CPT1A: variants seen among roughly 807,000 people sequenced by gnomAD.
CPT1A encodes carnitine O-palmitoyltransferase 1, liver isoform.
CPT1A carries 64 observed loss-of-function variants against 100.8 expected under a neutral mutation model. The ratio of observed to expected loss-of-function variants is 0.63; its 90% confidence interval spans 0.52 to 0.78. The LOEUF (loss-of-function observed/expected upper bound fraction) is 0.78, where lower values mean the gene tolerates loss of function less well. Among genes scored for constraint, CPT1A ranks in the 30% least tolerant of loss-of-function variants. The probability of loss-of-function intolerance (pLI) is 0.00; values close to 1 mark genes in which losing one functional copy is unlikely to be tolerated. For synonymous variants in CPT1A, 363 were observed against 396.0 expected (o/e 0.92, Z 0.99); for missense variants, 802 against 1,034.1 (o/e 0.78, Z 3.08).
Position 68,841,120 on chromosome 11 carries a change from C to T in CPT1A, c.-14+655G>A, listed in dbSNP as rs964812574. Among the ~76,000 whole-genome samples the T allele has an allele frequency of 6.6e-5, 10 of 152,242 alleles. No homozygotes were observed. Among genetic ancestry groups the T allele is most frequent in the African/African-American group, 2.4e-4 (10 of 41,452 alleles). ...GGCATGGGGAGGGGGACCGGGGAGA[C>T]GGACGCTGGGATGGGGTCAGCGGCG... On this transcript the variant is annotated intron_variant, in intron 1 of 18. Transcript: ENST00000265641. The surrounding 1 kb of genome is among the most constrained non-coding windows in gnomAD (Gnocchi z 6.3).
chr11:68,838,573 A>AAAAACAAAAC (rs1491274753), intron 1 of CPT1A, among the ~76,000 whole-genome samples: 4 of 112,846 alleles, frequency 3.5e-5, no homozygotes, highest in Non-Finnish European at 6.7e-5. Context: ...GCACCTTTTT[A>AAAAACAAAAC]AAAAAAAAAA....
intron 3 of CPT1A, among the ~76,000 whole-genome samples, chr11:68,808,704 G>C (rs986875954): frequency 3.3e-5 from 5 of 151,604 alleles, no homozygotes; most frequent in Non-Finnish European, 5.9e-5. Context: ...TTTTAGTTTT[G>C]GTTGTTTTGG....
chr11:68,757,339 CCTA>C lies in CPT1A; in HGVS notation c.*302_*304del, dbSNP rs1946711194. ...ATTCCACTGTGTGTGAAGCCACAACCCTACTAATTCCTTCATTAACTCAACAAG... is the reference window on the plus strand; with the variant it reads ...ATTCCACTGTGTGTGAAGCCACAACCCTAATTCCTTCATTAACTCAACAAG... On this transcript the variant is annotated 3_prime_UTR_variant, in exon 19 of 19. Coordinates refer to ENST00000265641, the MANE Select transcript of CPT1A (RefSeq NM_001876.4). 1.6e-6 allele frequency: 2 copies of C among 1,260,122 alleles called. No homozygotes were observed. Among genetic ancestry groups the C allele is most frequent in the Non-Finnish European group, 2.0e-6 (2 of 992,998 alleles). 78.1% of individuals were successfully genotyped at this position (1,260,122 alleles called of 1,614,324 possible). A position where few individuals can be genotyped will look rare whatever the true frequency, so the allele number is the denominator to read the frequency against.
In CPT1A at chr11:68,799,207, T is replaced by C. The variant is rs1247262729; in HGVS notation, c.693+11A>G. 9.3e-6 allele frequency: 15 copies of C among 1,612,502 alleles called. No homozygotes were observed. Among genetic ancestry groups the C allele is most frequent in the African/African-American group, 2.7e-5 (2 of 74,824 alleles). On this transcript the variant is annotated intron_variant, in intron 6 of 18. Coordinates refer to ENST00000265641, the MANE Select transcript of CPT1A (RefSeq NM_001876.4). ...AAATTTCATCAAGAAAAACTGTGTA[T>C]ACAGACTTACGTAATTTGTAGCCCA...
At chr11:68,770,175 G>A (rs1305409287) in intron 14 of CPT1A, among the ~76,000 whole-genome samples, 1 of 152,080 alleles carries the variant, frequency 6.6e-6, no homozygotes, top group Non-Finnish European at 1.5e-5. Flanking sequence ...TGGGGGGCGA[G>A]TGCTCCTCGG....
chr11:68,807,733 G>T, intron 3 of CPT1A, 95 bp from the exon 4 acceptor site: 1 of 1,248,692 alleles, frequency 8.0e-7, no homozygotes, highest in Non-Finnish European at 1.1e-6. Context: ...GTGCTGCAGG[G>T]TCCAGCAGCC....
intron 6 of CPT1A, 50 bp from the exon 7 acceptor site, chr11:68,796,983 C>A (rs760361778): frequency 3.6e-5 from 58 of 1,590,640 alleles, no homozygotes; most frequent in Non-Finnish European, 4.7e-5. Context: ...AGGGGCCAGG[C>A]AGGCTCCCTG....
intron 1 of CPT1A, among the ~76,000 whole-genome samples, chr11:68,838,575 A>AAAAAAAAAAC (rs1243474589): frequency 2.1e-5 from 3 of 140,844 alleles, no homozygotes; most frequent in Non-Finnish European, 4.6e-5. Flanking sequence ...ACCTTTTTAA[A>AAAAAAAAAAC]AAAAAAAAAA....
At chr11:68,791,522 C>T (rs1339013755) in intron 9 of CPT1A, among the ~76,000 whole-genome samples, 6 of 152,214 alleles carry the variant, frequency 3.9e-5, no homozygotes, top group Non-Finnish European at 4.4e-5. Flanking sequence ...AATCCGTGAA[C>T]ACACATGGAG....
chr11:68,826,326 T>A (rs1856726944), intron 1 of CPT1A, among the ~76,000 whole-genome samples: 1 of 151,952 alleles, frequency 6.6e-6, no homozygotes, highest in African/African-American at 2.4e-5. Flanking sequence ...CACGCCTGTA[T>A]TCCCAGCTAA....
intron 1 of CPT1A, among the ~76,000 whole-genome samples, chr11:68,828,706 G>C (rs1418799018): frequency 3.3e-5 from 5 of 151,046 alleles, no homozygotes; most frequent in Admixed American, 2.7e-4. Context: ...TAGTGAGGAG[G>C]GTGGCAGGGG....
chr11:68,786,477 A>G (rs908667012), intron 9 of CPT1A, among the ~76,000 whole-genome samples: 6 of 152,252 alleles, frequency 3.9e-5, no homozygotes, highest in Non-Finnish European at 8.8e-5. Context: ...TAAGGAAGTG[A>G]TGTTTAAGAA....
intron 12 of CPT1A, among the ~76,000 whole-genome samples, chr11:68,777,528 C>G (rs1855172463): frequency 6.6e-6 from 1 of 152,208 alleles, no homozygotes; most frequent in East Asian, 1.9e-4. Flanking sequence ...CCATGTGAGA[C>G]TAGGTCAGTC....
intron 1 of CPT1A, among the ~76,000 whole-genome samples, chr11:68,828,639 C>G (rs960254519): frequency 6.6e-6 from 1 of 152,234 alleles, no homozygotes; most frequent in Non-Finnish European, 1.5e-5. Context: ...GCGTCTGGAT[C>G]CAGGCCACCA....
intron 3 of CPT1A, among the ~76,000 whole-genome samples, chr11:68,811,725 GC>G (rs1285010667): frequency 6.6e-6 from 1 of 152,164 alleles, no homozygotes; most frequent in Non-Finnish European, 1.5e-5. Flanking sequence ...TGCAGTGCAG[GC>G]TCTGACCTTC....
At chr11:68,816,434 G>A (rs1856390287) in intron 1 of CPT1A, among the ~76,000 whole-genome samples, 1 of 152,218 alleles carries the variant, frequency 6.6e-6, no homozygotes, top group Admixed American at 6.5e-5. Context: ...GGATCCCGGG[G>A]CGCTGCAGTC....
intron 18 of CPT1A, among the ~76,000 whole-genome samples, chr11:68,758,251 G>A (rs1484768157): frequency 7.6e-6 from 1 of 131,346 alleles, no homozygotes; most frequent in East Asian, 2.6e-4. Flanking sequence ...CTGGGTGGCA[G>A]AGTGAGACCC....
Position 68,841,443 on chromosome 11 carries a change from C to T in CPT1A, c.-14+332G>A, listed in dbSNP as rs1857156896. On this transcript the variant is annotated intron_variant, in intron 1 of 18. Transcript: ENST00000265641. The surrounding 1 kb of genome is among the most constrained non-coding windows in gnomAD (Gnocchi z 6.3). ...GGAGACAAGGGAGCCGGTGGCCCCG[C>T]TGGCCCCGGGCCGGAGGCGTCCAGC... Among the ~76,000 whole-genome samples the T allele has an allele frequency of 6.6e-6, 1 of 151,830 alleles. No individual in the cohort carries two copies. Among genetic ancestry groups the T allele is most frequent in the Non-Finnish European group, 1.5e-5 (1 of 67,904 alleles).
At chr11:68,761,916 G>A (rs1216006562) in intron 15 of CPT1A, among the ~76,000 whole-genome samples, 2 of 138,206 alleles carry the variant, frequency 1.4e-5, no homozygotes, top group Non-Finnish European at 3.1e-5. Context: ...CGGTCTGACA[G>A]CCTTTCCAGA....
Sources: allele counts gnomAD v4.1 joint callset (sites outside exome capture counted in the v4.1 genomes callset), GRCh38; gene constraint gnomAD v4.1.1; non-coding constraint Gnocchi (gnomAD v3.1); transcripts MANE v1.5; gene names NCBI Gene and HGNC (gene_info 2026-07-23, HGNC 2026-07-21).